Variants in UNC13C observed in about 807,000 individuals in gnomAD.
UNC13C encodes the protein protein unc-13 homolog C.
A neutral mutation model predicts 245.4 loss-of-function variants in UNC13C; 174 were observed. The ratio of observed to expected loss-of-function variants is 0.71; its 90% CI spans 0.63 to 0.80. UNC13C has a LOEUF of 0.80. Among genes scored for constraint, UNC13C ranks in the 30% least tolerant of loss-of-function variants. The pLI is 0.00. For synonymous variants in UNC13C, 992 were observed against 895.1 expected (o/e 1.11, Z -1.93); for missense variants, 2,829 against 2,602.9 (o/e 1.09, Z -1.89).
At chr15:54,191,795 A>G (rs2034192676) in intron 4 of UNC13C, among the ~76,000 whole-genome samples, 1 of 152,144 alleles carries the variant, frequency 6.6e-6, no homozygotes, top group Admixed American at 6.6e-5. Flanking sequence ...CATTTCTCTA[A>G]TGACCAGTGG....
At chr15:54,089,931 C>A (rs993278274) in intron 2 of UNC13C, among the ~76,000 whole-genome samples, 1 of 152,130 alleles carries the variant, frequency 6.6e-6, no homozygotes, top group Non-Finnish European at 1.5e-5. Context: ...TGTGCTGCTT[C>A]GGTCCTCAGT....
At chr15:54,296,926 G>A (rs1025291071) in intron 11 of UNC13C, among the ~76,000 whole-genome samples, 1 of 152,180 alleles carries the variant, frequency 6.6e-6, no homozygotes, top group African/African-American at 2.4e-5. Flanking sequence ...TACCGAACAC[G>A]TACGCACGCA....
intron 29 of UNC13C, among the ~76,000 whole-genome samples, chr15:54,563,954 T>G (rs1897399932): frequency 6.6e-6 from 1 of 152,054 alleles, no homozygotes; most frequent in African/African-American, 2.4e-5. Flanking sequence ...GTAACCAGAC[T>G]GGTGCTCTTA....
At chr15:54,335,349 C>G (rs1459032666) in intron 16 of UNC13C, among the ~76,000 whole-genome samples, 1 of 152,166 alleles carries the variant, frequency 6.6e-6, no homozygotes, top group South Asian at 2.1e-4. Context: ...CTATACATTT[C>G]TTTCCAATTA....
At chr15:54,462,470 G>A (rs966441932) in intron 19 of UNC13C, among the ~76,000 whole-genome samples, 10 of 152,140 alleles carry the variant, frequency 6.6e-5, no homozygotes, top group South Asian at 2.1e-4. Flanking sequence ...GGTGCAGGCC[G>A]GAACCGGGGC....
At chr15:53,843,461 C>G in the UNC13C span, among the ~76,000 whole-genome samples, 2 of 151,944 alleles carry the variant, frequency 1.3e-5, no homozygotes, top group East Asian at 3.9e-4. Context: ...AATCTTATCT[C>G]AAATATATAT....
At chr15:54,435,675 A>G (rs1401730306) in intron 19 of UNC13C, among the ~76,000 whole-genome samples, 5 of 151,932 alleles carry the variant, frequency 3.3e-5, no homozygotes, top group Admixed American at 3.3e-4. Flanking sequence ...TGGCACATGT[A>G]TACCTATGTA....
chr15:53,912,241 A>G, the UNC13C span: 1 of 152,192 alleles, frequency 6.6e-6, no homozygotes, highest in African/African-American at 2.4e-5. Context: ...ACCCAGCCCC[A>G]CCTGGAAACT....
At chr15:54,619,099 C>G in intron 30 of UNC13C, among the ~76,000 whole-genome samples, 1 of 152,076 alleles carries the variant, frequency 6.6e-6, no homozygotes, top group Non-Finnish European at 1.5e-5. Context: ...GGAAATGGAT[C>G]CAAACTTAGG....
At position 54,213,305 on chromosome 15, in the gene UNC13C, G is replaced by A. The variant is rs562961696; in HGVS notation, c.3072-21725G>A. The stretch of plus-strand genomic sequence containing the variant: ...ATTAATTTCATTACTTATTTATTAA[G>A]TATTTAATATGTGTAAAATCCTATA... On this transcript the variant is annotated intron_variant, in intron 4 of 32. Coordinates refer to ENST00000260323, the MANE Select transcript of UNC13C (RefSeq NM_001080534.3). Among the ~76,000 whole-genome samples, 5 of 151,958 alleles carry A rather than the reference G, an allele frequency of 3.3e-5. No individual in the cohort carries two copies. In the East Asian group the frequency reaches 7.8e-4, roughly 24 times the overall value.
At chr15:54,206,403 G>C (rs1348471756) in intron 4 of UNC13C, among the ~76,000 whole-genome samples, 1 of 152,068 alleles carries the variant, frequency 6.6e-6, no homozygotes, top group African/African-American at 2.4e-5. Flanking sequence ...TCTGAAATCA[G>C]CTCCACCTTC....
intron 10 of UNC13C, among the ~76,000 whole-genome samples, chr15:54,275,890 G>C (rs1315651158): frequency 6.6e-6 from 1 of 152,038 alleles, no homozygotes; most frequent in Non-Finnish European, 1.5e-5. Context: ...GATATCAATA[G>C]GTGAATAGAT....
In UNC13C at chr15:54,141,361, C is replaced by T. The variant is rs571305675; in HGVS notation, c.2984-1657C>T. 3.3e-5 allele frequency among the ~76,000 whole-genome samples: 5 copies of T among 151,900 alleles called. No individual in the cohort carries two copies. In the South Asian group the frequency reaches 1.0e-3, roughly 32 times the overall value. Reference sequence around the variant, plus strand: ...TTTTGGTTTGTTTTAATATATAGGCCAGAATTTTCAGAAAGAAGTGAAAAT... The same window carrying T: ...TTTTGGTTTGTTTTAATATATAGGCTAGAATTTTCAGAAAGAAGTGAAAAT... On this transcript the variant is annotated intron_variant, in intron 2 of 32. Transcript: ENST00000260323.
intron 23 of UNC13C, 80 bp from the exon 24 acceptor site, chr15:54,511,673 C>G (rs370100042): frequency 7.4e-5 from 71 of 956,714 alleles, no homozygotes; most frequent in Non-Finnish European, 1.1e-4. Flanking sequence ...TAGCTATTTT[C>G]CACCACTTAT....
chr15:54,175,201 T>C (rs2033565236), intron 4 of UNC13C, among the ~76,000 whole-genome samples: 1 of 152,140 alleles, frequency 6.6e-6, no homozygotes, highest in Non-Finnish European at 1.5e-5. Context: ...AAATCTTATC[T>C]CTCCATCAGC....
intron 13 of UNC13C, among the ~76,000 whole-genome samples, chr15:54,312,079 C>G (rs2037888140): frequency 6.6e-6 from 1 of 151,694 alleles, no homozygotes; most frequent in African/African-American, 2.4e-5. Flanking sequence ...TAAAAATATA[C>G]AATGTACATT....
intron 2 of UNC13C, among the ~76,000 whole-genome samples, chr15:54,118,982 A>G (rs1380390510): frequency 6.7e-6 from 1 of 149,936 alleles, no homozygotes; most frequent in Non-Finnish European, 1.5e-5. Flanking sequence ...CTTGCATCCT[A>G]GGAATAAATC....
chr15:53,844,634 A>AT, the UNC13C span, among the ~76,000 whole-genome samples: 1 of 152,112 alleles, frequency 6.6e-6, no homozygotes, highest in African/African-American at 2.4e-5. Context: ...TGAGAATGAC[A>AT]TTTTTGGGTT....
intron 1 of UNC13C, among the ~76,000 whole-genome samples, 170 bp from the exon 2 acceptor site, chr15:54,012,478 G>T (rs1309320190): frequency 6.6e-6 from 1 of 152,056 alleles, no homozygotes; most frequent in Non-Finnish European, 1.5e-5. Context: ...GTAGTGATTT[G>T]CTTTCAGTAG....
Sources: allele counts gnomAD v4.1 joint callset (sites outside exome capture counted in the v4.1 genomes callset), GRCh38; gene constraint gnomAD v4.1.1; transcripts MANE v1.5; gene names NCBI Gene and HGNC (gene_info 2026-07-23, HGNC 2026-07-21).